The following ACSL6 variants were observed in gnomAD, a reference collection of about 807,000 sequenced individuals.
ACSL6 encodes the protein long-chain-fatty-acid--CoA ligase 6.
Under a neutral mutation model 98.2 loss-of-function variants are expected in ACSL6, and 47 were observed. That is an observed-to-expected ratio of 0.48 (90% CI 0.38 to 0.61). ACSL6 has a LOEUF of 0.61. Ranked by LOEUF, ACSL6 falls within the 20% of genes least tolerant of loss-of-function variation. The pLI is 0.00. For missense variants in ACSL6, 761 were observed against 913.4 expected (o/e 0.83, Z 2.15); for synonymous variants, 362 against 336.9 (o/e 1.07, Z -0.82).
At chr5:131,958,509 A>T (rs1752538078) in intron 20 of ACSL6, among the ~76,000 whole-genome samples, 1 of 152,200 alleles carries the variant, frequency 6.6e-6, no homozygotes, top group Non-Finnish European at 1.5e-5. Context: ...CCCAGGCCTA[A>T]ATTGCCCTAA....
At chr5:131,988,275 A>G in intron 6 of ACSL6, 49 bp from the exon 7 acceptor site, 2 of 1,597,614 alleles carry the variant, frequency 1.3e-6, no homozygotes, top group Non-Finnish European at 1.7e-6. Context: ...CCAGGTCATG[A>G]GTGCAGGCAG....
rs547063960 is a variant in ACSL6 at position 131,990,336 on chromosome 5, G to A, written c.386-172C>T. Among the ~76,000 whole-genome samples, 3 of 152,250 alleles carry A rather than the reference G, an allele frequency of 2.0e-5. No individual in the cohort carries two copies. In the South Asian group the frequency reaches 6.2e-4, roughly 32 times the overall value. On this transcript the variant is annotated intron_variant, in intron 3 of 20. Coordinates refer to ENST00000651883, the MANE Select transcript of ACSL6 (RefSeq NM_001009185.3). ...TGTCTAATCTGCTGAAGCCCAAGAG[G>A]GCCTAAAGCACATAAGTATGGCATC...
At chr5:131,978,891 T>G in intron 9 of ACSL6, among the ~76,000 whole-genome samples, 1 of 152,252 alleles carries the variant, frequency 6.6e-6, no homozygotes. Context: ...AAGACACATC[T>G]GTTTGACTGA....
chr5:131,952,663 T>C lies in ACSL6; in HGVS notation c.*1571A>G, dbSNP rs1260920760. Reference sequence around the variant, plus strand: ...CACAATCTATAGCTTGGAACTTAATTGCTGTCCATGGTATCTGGCCTTTAA... The same window carrying C: ...CACAATCTATAGCTTGGAACTTAATCGCTGTCCATGGTATCTGGCCTTTAA... On this transcript the variant is annotated 3_prime_UTR_variant, in exon 21 of 21. Coordinates refer to ENST00000651883, the MANE Select transcript of ACSL6 (RefSeq NM_001009185.3). 9.3e-6 allele frequency: 2 copies of C among 214,236 alleles called. No individual in the cohort carries two copies. The highest frequency in any genetic ancestry group is 1.9e-5 in the Non-Finnish European group (2 of 106,328). 13.3% of individuals were successfully genotyped at this position (214,236 alleles called of 1,614,324 possible).
chr5:131,972,537 G>A (rs3843502), intron 13 of ACSL6, among the ~76,000 whole-genome samples, 187 bp downstream of exon 13: 13,299 of 152,102 alleles, frequency 0.087, 1,318 homozygotes, highest in African/African-American at 0.24. Context: ...CAAATGTAAC[G>A]TATCTCCAAA....
At chr5:131,996,270 C>T (rs1754787867) in intron 1 of ACSL6, among the ~76,000 whole-genome samples, 1 of 152,192 alleles carries the variant, frequency 6.6e-6, no homozygotes, top group Non-Finnish European at 1.5e-5. Context: ...AAAGCAGAGG[C>T]CAAGTTATAG....
At chr5:131,979,529 C>T (rs1348488548) in intron 9 of ACSL6, among the ~76,000 whole-genome samples, 4 of 152,216 alleles carry the variant, frequency 2.6e-5, no homozygotes, top group Admixed American at 2.6e-4. Flanking sequence ...CTTTTCTTCT[C>T]CAGCATGATG....
chr5:131,970,235 C>G (rs1753230781), intron 14 of ACSL6, 35 bp from the exon 15 acceptor site: 1 of 1,605,528 alleles, frequency 6.2e-7, no homozygotes, highest in East Asian at 2.2e-5. Context: ...ACTATGGGCA[C>G]ACACCCTCCA....
intron 15 of ACSL6, 69 bp downstream of exon 15, chr5:131,970,059 G>T: frequency 6.9e-7 from 1 of 1,443,030 alleles, no homozygotes; most frequent in Non-Finnish European, 9.7e-7. Flanking sequence ...CCATGAGGGA[G>T]TTTTAGAGCT....
rs1468155184 is a variant in ACSL6 at position 132,011,404 on chromosome 5, G to C, written c.49+101C>G. 12 of 1,286,940 alleles carry C rather than the reference G, an allele frequency of 9.3e-6. No individual in the cohort carries two copies. The highest frequency in any genetic ancestry group is 1.3e-5 in the Non-Finnish European group (12 of 895,594). 79.7% of individuals were successfully genotyped at this position (1,286,940 alleles called of 1,614,324 possible). A position where few individuals can be genotyped will look rare whatever the true frequency, so the allele number is the denominator to read the frequency against. ...CGGGACAGCTCAGCAGCAGGGGATG[G>C]GGGCTCGGCGGCCGCGGAGATGTAA... is the stretch of plus-strand genomic sequence containing the variant. On this transcript the variant is annotated intron_variant, in intron 1 of 20. Coordinates refer to ENST00000651883, the MANE Select transcript of ACSL6 (RefSeq NM_001009185.3). This position sits in a 1 kb window ranked among gnomAD's most constrained non-coding sequence, Gnocchi z 5.4.
In ACSL6 at chr5:131,994,121, G is replaced by C. The variant is rs1306242493; in HGVS notation, c.180C>G (p.Ala60=). ...LSATTLVSMG[A]LAAILAYWFT... ...ACCAGTAGGCAAGGATGGCAGCCAGGGCACCCATACTCACGAGGGTGGTGG... is the reference window on the plus strand; with the variant it reads ...ACCAGTAGGCAAGGATGGCAGCCAGCGCACCCATACTCACGAGGGTGGTGG... The change falls in exon 2 of 21, where the codon GCC becomes GCG. Residue 60 remains alanine, a synonymous_variant. Coordinates refer to ENST00000651883, the MANE Select transcript of ACSL6 (RefSeq NM_001009185.3). 7 of 1,614,074 alleles carry C rather than the reference G, an allele frequency of 4.3e-6. No homozygotes were observed. Among genetic ancestry groups the C allele is most frequent in the Non-Finnish European group, 5.9e-6 (7 of 1,180,054 alleles).
In ACSL6 at chr5:131,954,134, C is replaced by T. The variant is rs1174245304; in HGVS notation, c.*100G>A. The stretch of plus-strand genomic sequence containing the variant: ...AAAGGCTCAGTCATAAAATCAGATG[C>T]TTATTCATTTTCAGCTGTGTCATTT... On this transcript the variant is annotated 3_prime_UTR_variant, in exon 21 of 21. Transcript: ENST00000651883. 21 of 1,272,448 alleles carry T rather than the reference C, an allele frequency of 1.7e-5. No homozygotes were observed. The highest frequency in any genetic ancestry group is 2.0e-5 in the Non-Finnish European group (19 of 963,950). The allele number at this position is 1,272,448 out of a possible 1,614,324, so 78.8% of individuals were successfully genotyped here. A position where few individuals can be genotyped will look rare whatever the true frequency, so the allele number is the denominator to read the frequency against.
chr5:131,976,791 G>C (rs778912106), intron 9 of ACSL6, 70 bp from the exon 10 acceptor site: 2 of 1,342,594 alleles, frequency 1.5e-6, no homozygotes, highest in Non-Finnish European at 2.1e-6. Flanking sequence ...CAGTGCCCAA[G>C]TTGGCAGTCC....
At position 131,968,000 on chromosome 5, in the gene ACSL6, A is replaced by G; in HGVS notation, c.1536T>C (p.Asn512=). ...CCTCAACATCAACGAGCTTGATATGATTGCAGGGAAGTGGCGCCCCTACGT... is the reference window on the plus strand; with the variant it reads ...CCTCAACATCAACGAGCTTGATATGGTTGCAGGGAAGTGGCGCCCCTACGT... ...SGHVGAPLPC[N]HIKLVDVEEL... is the part of the protein sequence containing the mutation. Residue 512 remains asparagine (N), a synonymous_variant, in exon 16 of 21, where the codon AAT becomes AAC. Transcript: ENST00000651883. The G allele has an allele frequency of 6.2e-7, 1 of 1,613,922 alleles. No individual in the cohort carries two copies. The highest frequency in any genetic ancestry group is 8.5e-7 in the Non-Finnish European group (1 of 1,179,916).
chr5:132,011,531 G>A lies in ACSL6; in HGVS notation c.23C>T (p.Ser8Leu), dbSNP rs1755729819. The change falls in exon 1 of 21, where the codon TCG becomes TTG. Residue 8 changes from serine to leucine, a missense_variant. By Grantham distance (145) the Ser-to-Leu change is moderately radical. Transcript: ENST00000651883. The surrounding 1 kb of genome is among the most constrained non-coding windows in gnomAD (Gnocchi z 5.4). The stretch of plus-strand genomic sequence containing the variant: ...TACGAATAGCCAGAGGGAGCCCCCC[G>A]ACACGAGGAAGAAGGTCAGCATGGC... MLTFFLV[S>L]GGSLWLFVEF... The A allele has an allele frequency of 6.2e-7, 1 of 1,604,746 alleles. No homozygotes were observed. The highest frequency in any genetic ancestry group is 8.5e-7 in the Non-Finnish European group (1 of 1,176,066).
chr5:131,962,152 T>C (rs987882848), intron 18 of ACSL6, among the ~76,000 whole-genome samples: 2 of 151,248 alleles, frequency 1.3e-5, no homozygotes, highest in Admixed American at 6.6e-5. Context: ...CAGTGAGCCA[T>C]GATTGTGCCA....
chr5:131,994,603 C>G (rs1754698606), intron 1 of ACSL6: 1 of 332,458 alleles, frequency 3.0e-6, no homozygotes, highest in Admixed American at 4.6e-5. Context: ...GTGCTCTGTT[C>G]TCCTGTGTGA....
In ACSL6 at chr5:131,953,446, T is replaced by A. The variant is rs1483718109; in HGVS notation, c.*788A>T. ...CTGAGCAAAATCTCTAAAAAAAAAA[T>A]TTCTATTAGCCAGGTGTGGTGGCAT... On this transcript the variant is annotated 3_prime_UTR_variant, in exon 21 of 21. Transcript: ENST00000651883. 5.4e-6 allele frequency: 1 copy of A among 185,208 alleles called. No individual in the cohort carries two copies. Among genetic ancestry groups the A allele is most frequent in the Admixed American group, 6.2e-5 (1 of 16,004 alleles). The allele number at this position is 185,208 out of a possible 1,614,324, so 11.5% of individuals were successfully genotyped here.
Position 131,952,327 on chromosome 5 carries a change from G to T in ACSL6, c.*1907C>A. ...AGAGAGAATATGCCCAAGAAAAACT[G>T]GATAAAAAGACTGGGTAAATACATC... is the stretch of plus-strand genomic sequence containing the variant. On this transcript the variant is annotated 3_prime_UTR_variant, in exon 21 of 21. Coordinates refer to ENST00000651883, the MANE Select transcript of ACSL6 (RefSeq NM_001009185.3). 4.9e-6 allele frequency: 1 copy of T among 202,154 alleles called. No individual in the cohort carries two copies. The highest frequency in any genetic ancestry group is 7.7e-5 in the East Asian group (1 of 13,040). The allele number at this position is 202,154 out of a possible 1,614,324, so 12.5% of individuals were successfully genotyped here.
Sources: gnomAD v4.1 joint callset for allele counts (sites outside exome capture counted in the v4.1 genomes callset) on GRCh38, gnomAD v4.1.1 for gene constraint, Gnocchi (gnomAD v3.1) non-coding constraint, MANE v1.5 for transcripts, NCBI Gene and HGNC (gene_info 2026-07-23, HGNC 2026-07-21) for gene names.